Variants in ZSCAN31 observed in about 807,000 individuals in gnomAD.
ZSCAN31 encodes the protein zinc finger and SCAN domain containing 31, also known as zinc finger and SCAN domain-containing protein 31.
In ZSCAN31, 14 loss-of-function variants were observed where a neutral mutation model predicts 22.5. That is an observed-to-expected ratio of 0.62 (90% CI 0.41 to 0.97). The LOEUF (loss-of-function observed/expected upper bound fraction) is 0.97. Among genes scored for constraint, ZSCAN31 ranks in the 50% least tolerant of loss-of-function variants. The probability of loss-of-function intolerance (pLI) is 0.00; values close to 1 mark genes in which losing one functional copy is unlikely to be tolerated. For synonymous variants in ZSCAN31, 168 were observed against 169.8 expected (o/e 0.99, Z 0.08); for missense variants, 424 against 483.4 (o/e 0.88, Z 1.15).
At chr6:28,337,513 G>A (rs933206589), upstream of ZSCAN31, among the ~76,000 whole-genome samples, 1 of 152,086 alleles carries the variant, frequency 6.6e-6, no homozygotes, top group Non-Finnish European at 1.5e-5. Flanking sequence ...AAATAGAGAA[G>A]ACAGATAATA....
chr6:28,327,293 A>C (rs1010705236), intron 3 of ZSCAN31, 90 bp downstream of exon 3: 38 of 1,458,396 alleles, frequency 2.6e-5, no homozygotes, highest in Admixed American at 1.8e-4. Flanking sequence ...ATTCCAACCC[A>C]GGCAATTTAG....
At chr6:28,345,184 A>G (rs972221781) in intron 2 of ZSCAN31, among the ~76,000 whole-genome samples, 16 of 150,382 alleles carry the variant, frequency 1.1e-4, no homozygotes, top group Non-Finnish European at 1.9e-4. Flanking sequence ...AAAAGAAAAG[A>G]AAAATGATTG....
chr6:28,344,325 T>C (rs926368454), intron 2 of ZSCAN31, among the ~76,000 whole-genome samples: 7 of 152,204 alleles, frequency 4.6e-5, no homozygotes, highest in Non-Finnish European at 8.8e-5. Flanking sequence ...AGAATTATTA[T>C]AGTTCTATCA....
At chr6:28,355,068 C>G (rs1257634926), upstream of ZSCAN31, among the ~76,000 whole-genome samples, 1 of 152,188 alleles carries the variant, frequency 6.6e-6, no homozygotes, top group Admixed American at 6.5e-5. Context: ...CTAGACCTAT[C>G]TGTGTACCAT....
intron 2 of ZSCAN31, among the ~76,000 whole-genome samples, chr6:28,343,447 T>C (rs1233500237): frequency 6.6e-6 from 1 of 151,508 alleles, no homozygotes; most frequent in African/African-American, 2.4e-5. Flanking sequence ...CTCTAAAGAA[T>C]GACAGTTAAC....
chr6:28,348,531 C>T (rs1581704304), intron 2 of ZSCAN31, among the ~76,000 whole-genome samples: 1 of 152,042 alleles, frequency 6.6e-6, no homozygotes, highest in South Asian at 2.1e-4. Context: ...CAATTTCCAC[C>T]ATATATCAAG....
intron 3 of ZSCAN31, 108 bp from the exon 4 acceptor site, chr6:28,326,962 G>T (rs2113783990): frequency 9.0e-7 from 1 of 1,114,258 alleles, no homozygotes; most frequent in Non-Finnish European, 1.3e-6. Flanking sequence ...TTCTAGGAAT[G>T]AAGAACTGTC....
Position 28,333,585 on chromosome 6 carries a change from A to G in ZSCAN31, c.-96+2497T>C, listed in dbSNP as rs1402015819. Among the ~76,000 whole-genome samples the G allele has an allele frequency of 6.6e-6, 1 of 152,246 alleles. No homozygotes were observed. Among genetic ancestry groups the G allele is most frequent in the African/African-American group, 2.4e-5 (1 of 41,474 alleles). ...TAGATGGGGTAGTGGGAAGTGAGGT[A>G]ACATTTAAGCCAAGCCCTTAAGTGC... On this transcript the variant is annotated intron_variant, in intron 1 of 3. Transcript: ENST00000344279. This position sits in a 1 kb window ranked among gnomAD's most constrained non-coding sequence, Gnocchi z 4.1.
chr6:28,341,813 T>C (rs6912584), intron 2 of ZSCAN31: 38,975 of 152,142 alleles, frequency 0.26, 5,724 homozygotes, highest in African/African-American at 0.4. Context: ...CAAAGAAAAG[T>C]TGGGGTAGCT....
rs1764802510 is a variant in ZSCAN31 at position 28,349,189 on chromosome 6, CTCATATATATAGGTGTAT to C, written c.-371+4655_-371+4672del. Reference sequence around the variant, plus strand: ...CATATATATAGGTGTATATATATGTCTCATATATATAGGTGTATATATATGTCTCATATATATAGGTGT... The same window carrying C: ...CATATATATAGGTGTATATATATGTCATATATGTCTCATATATATAGGTGT... On this transcript the variant is annotated intron_variant, in intron 2 of 7. Transcript: ENST00000396838. The surrounding 1 kb of genome is among the most constrained non-coding windows in gnomAD (Gnocchi z 4.1). 5.6e-5 allele frequency among the ~76,000 whole-genome samples: 3 copies of C among 53,908 alleles called. No homozygotes were observed. Among genetic ancestry groups the C allele is most frequent in the Non-Finnish European group, 8.9e-5 (3 of 33,760 alleles). 35.4% of individuals were successfully genotyped at this position (53,908 alleles called of 152,430 possible).
chr6:28,340,124 T>C (rs1764357954), upstream of ZSCAN31, among the ~76,000 whole-genome samples: 1 of 152,270 alleles, frequency 6.6e-6, no homozygotes, highest in South Asian at 2.1e-4. Context: ...TAGATAGGAA[T>C]CTGATGACTG....
intron 2 of ZSCAN31, among the ~76,000 whole-genome samples, chr6:28,348,647 A>T (rs1219875429): frequency 6.6e-6 from 1 of 152,126 alleles, no homozygotes; most frequent in East Asian, 1.9e-4. Flanking sequence ...TAATTTTATA[A>T]TAAATTATAT....
chr6:28,355,524 T>A (rs1454589980), upstream of ZSCAN31: 1 of 152,218 alleles, frequency 6.6e-6, no homozygotes, highest in Non-Finnish European at 1.5e-5. Context: ...GTCAAAACTA[T>A]CTGGTCACAT....
At position 28,349,959 on chromosome 6, in the gene ZSCAN31, C is replaced by G. The variant is rs995720702; in HGVS notation, c.-371+3903G>C. ...CTGCGGGTGGTTTGCTAGTTTCAAG[C>G]ACTTTGTGAGTATGGGGTGAATCGG... On this transcript the variant is annotated intron_variant, in intron 2 of 7. Transcript: ENST00000396838. The surrounding 1 kb of genome is among the most constrained non-coding windows in gnomAD (Gnocchi z 4.1). 1.3e-5 allele frequency: 2 copies of G among 152,224 alleles called. No individual in the cohort carries two copies. The highest frequency in any genetic ancestry group is 4.8e-5 in the African/African-American group (2 of 41,462). 9.4% of individuals were successfully genotyped at this position (152,224 alleles called of 1,614,324 possible).
Position 28,326,215 on chromosome 6 carries a change from C to T in ZSCAN31, c.1172G>A (p.Arg391Gln), listed in dbSNP as rs199921201. 52 of 1,613,386 alleles carry T rather than the reference C, an allele frequency of 3.2e-5. No homozygotes were observed. Among genetic ancestry groups the T allele is most frequent in the African/African-American group, 2.3e-4 (17 of 74,922 alleles). The change falls in exon 4 of 4, where the codon CGG becomes CAG. Residue 391 changes from arginine to glutamine, a missense_variant. Coordinates refer to ENST00000344279, the MANE Select transcript of ZSCAN31 (RefSeq NM_030899.5). ...CSQCSKLFSK[R>Q]TLLKKHQKIH... is the part of the protein sequence containing the mutation. ...TTTCTGATGTTTCTTAAGAAGTGTC[C>T]GCTTACTAAAGAGTTTACTGCACTG...
At chr6:28,327,362 G>A in intron 3 of ZSCAN31, 21 bp downstream of exon 3, 1 of 1,613,734 alleles carries the variant, frequency 6.2e-7, no homozygotes, top group Non-Finnish European at 8.5e-7. Context: ...ATCTCCTGAA[G>A]GGACCTGTCA....
At position 28,326,716 on chromosome 6, in the gene ZSCAN31, C is replaced by A. The variant is rs1763305100; in HGVS notation, c.671G>T (p.Ser224Ile). The A allele has an allele frequency of 6.2e-7, 1 of 1,614,046 alleles. No individual in the cohort carries two copies. The highest frequency in any genetic ancestry group is 1.3e-5 in the African/African-American group (1 of 74,914). The change falls in exon 4 of 4, where the codon AGC becomes ATC. Residue 224 changes from serine (S) to isoleucine (I), a missense_variant. By Grantham distance (142) the Ser-to-Ile change is moderately radical. Coordinates refer to ENST00000344279, the MANE Select transcript of ZSCAN31 (RefSeq NM_030899.5). The part of the protein sequence containing the change: ...SKYRETCKRD[S>I]KAEKQQAHST... ...ATGTGCCTGCTGCTTTTCTGCCTTG[C>A]TGTCTCGTTTACAAGTTTCTCTGTA...
chr6:28,343,735 A>G (rs1362216177), intron 2 of ZSCAN31, among the ~76,000 whole-genome samples: 1 of 151,834 alleles, frequency 6.6e-6, no homozygotes, highest in Non-Finnish European at 1.5e-5. Flanking sequence ...TCACCGTGTT[A>G]GCCAGGATAG....
Position 28,326,011 on chromosome 6 carries a change from A to G in ZSCAN31, c.*155T>C. On this transcript the variant is annotated 3_prime_UTR_variant, in exon 4 of 4. Transcript: ENST00000344279. ...AATACAAAATAAATTTTATAAGAAC[A>G]GAATAAGCCACTTGAAAATCTTACT... is the stretch of plus-strand genomic sequence containing the variant. 1 of 705,628 alleles carries G rather than the reference A, an allele frequency of 1.4e-6. No individual in the cohort carries two copies. Among genetic ancestry groups the G allele is most frequent in the Non-Finnish European group, 2.4e-6 (1 of 419,978 alleles). The allele number at this position is 705,628 out of a possible 1,614,324, so 43.7% of individuals were successfully genotyped here.
Sources: gnomAD v4.1 joint callset for allele counts (sites outside exome capture counted in the v4.1 genomes callset) on GRCh38, gnomAD v4.1.1 for gene constraint, Gnocchi (gnomAD v3.1) non-coding constraint, MANE v1.5 for transcripts, NCBI Gene and HGNC (gene_info 2026-07-23, HGNC 2026-07-21) for gene names.